The following PPIP5K2 variants were observed in gnomAD, a reference collection of about 807,000 sequenced individuals.
PPIP5K2 encodes the protein inositol hexakisphosphate and diphosphoinositol-pentakisphosphate kinase 2.
In PPIP5K2, 105 loss-of-function variants were observed where a neutral mutation model predicts 154.6. The observed-to-expected ratio is 0.68, with a 90% CI of 0.58 to 0.80. The LOEUF (loss-of-function observed/expected upper bound fraction) is 0.80. Ranked by LOEUF, PPIP5K2 falls within the 30% of genes least tolerant of loss-of-function variation. PPIP5K2 has a pLI of 0.00. For synonymous variants in PPIP5K2, 480 were observed against 490.3 expected, an observed-to-expected ratio of 0.98 and a Z score of 0.28; for missense variants, 992 against 1,504.6, an observed-to-expected ratio of 0.66 and a Z score of 5.64.
chr5:103,211,101 C>A lies in PPIP5K2; in HGVS notation c.*9467C>A, dbSNP rs1367372839. The A allele has an allele frequency of 3.3e-5, 5 of 152,072 alleles. No homozygotes were observed. Among genetic ancestry groups the A allele is most frequent in the Non-Finnish European group, 7.4e-5 (5 of 67,958 alleles). The allele number at this position is 152,072 out of a possible 1,614,324, so 9.4% of individuals were successfully genotyped here. ...TTGTCTGAGTGGTTGTTTAAACTGACATCTGTAAAACTAATCTGTAAAGTG... is the reference window on the plus strand; with the variant it reads ...TTGTCTGAGTGGTTGTTTAAACTGAAATCTGTAAAACTAATCTGTAAAGTG... On this transcript the variant is annotated 3_prime_UTR_variant, in exon 31 of 31. Transcript: ENST00000358359.
intron 2 of PPIP5K2, 37 bp downstream of exon 2, chr5:103,129,740 A>G: frequency 6.4e-7 from 1 of 1,557,118 alleles, no homozygotes; most frequent in Non-Finnish European, 8.6e-7. Flanking sequence ...AGAGAAGACC[A>G]ATACAGTATA....
At chr5:103,138,734 T>C (rs1554205334) in intron 5 of PPIP5K2, among the ~76,000 whole-genome samples, 1 of 152,246 alleles carries the variant, frequency 6.6e-6, no homozygotes, top group Non-Finnish European at 1.5e-5. Flanking sequence ...ATTTTGAAAT[T>C]ACATACAAGT....
At position 103,168,236 on chromosome 5, in the gene PPIP5K2, G is replaced by C. The variant is rs1554218561; in HGVS notation, c.2227G>C (p.Glu743Gln). 3 of 1,610,164 alleles carry C rather than the reference G, an allele frequency of 1.9e-6. No homozygotes were observed. The highest frequency in any genetic ancestry group is 1.1e-5 in the South Asian group (1 of 90,954). Residue 743 changes from glutamate to glutamine, a missense_variant, in exon 19 of 31, where the codon GAA becomes CAA. Glu to Gln is a conservative substitution (Grantham distance 29). Around this residue, in one of 9 missense-constraint regions of PPIP5K2, gnomAD observed 157 missense variants for 281.2 expected, o/e 0.56. Coordinates refer to ENST00000358359, the MANE Select transcript of PPIP5K2 (RefSeq NM_001276277.3). ...CCAGCATAATGGTTCCTTGAAATTA[G>C]AAAACACAATGGAATTATATAGGCT... ...DVQHNGSLKL[E>Q]NTMELYRLSK...
chr5:103,170,663 T>G (rs1797838171), intron 19 of PPIP5K2, among the ~76,000 whole-genome samples: 1 of 151,386 alleles, frequency 6.6e-6, no homozygotes, highest in Non-Finnish European at 1.5e-5. Context: ...TTTGGATTTT[T>G]TTTTTTCAGA....
At chr5:103,140,999 A>G (rs1444854818) in intron 5 of PPIP5K2, among the ~76,000 whole-genome samples, 1 of 152,060 alleles carries the variant, frequency 6.6e-6, no homozygotes, top group Non-Finnish European at 1.5e-5. Context: ...GGAAATGCTA[A>G]AAGGAGTTCA....
intron 30 of PPIP5K2, among the ~76,000 whole-genome samples, chr5:103,195,553 C>A (rs2149824996): frequency 6.6e-6 from 1 of 152,248 alleles, no homozygotes; most frequent in Non-Finnish European, 1.5e-5. Context: ...TTTTTATTAG[C>A]ATTTTTCTAC....
chr5:103,154,985 A>T (rs1554212684), intron 13 of PPIP5K2, 42 bp downstream of exon 13: 1 of 1,175,736 alleles, frequency 8.5e-7, no homozygotes, highest in Non-Finnish European at 1.2e-6. Flanking sequence ...TACTACATAT[A>T]GCTCTTCTTT....
chr5:103,201,609 A>T lies in PPIP5K2; in HGVS notation c.3707A>T (p.Lys1236Ile), dbSNP rs539037879. The change falls in exon 31 of 31, where the codon AAA becomes ATA. Residue 1236 changes from lysine (K) to isoleucine (I), a missense_variant. Around this residue, in one of 9 missense-constraint regions of PPIP5K2, gnomAD observed 131 missense variants for 117.8 expected, o/e 1.11. Transcript: ENST00000358359. Reference sequence around the variant, plus strand: ...AGCAAAACAGAAACGCATGAACACAAAAAAAACACTGGGAAAAAGAAATGA... The same window carrying T: ...AGCAAAACAGAAACGCATGAACACATAAAAAACACTGGGAAAAAGAAATGA... ...ITSKTETHEH[K>I]KNTGKKK 1.2e-6 allele frequency: 2 copies of T among 1,604,698 alleles called. No individual in the cohort carries two copies. Among genetic ancestry groups the T allele is most frequent in the Admixed American group, 1.7e-5 (1 of 58,518 alleles).
chr5:103,186,841 G>A (rs1342676103), intron 27 of PPIP5K2, among the ~76,000 whole-genome samples: 3 of 151,982 alleles, frequency 2.0e-5, no homozygotes, highest in Non-Finnish European at 4.4e-5. Flanking sequence ...TATCATATTG[G>A]CAATATTTTT....
intron 30 of PPIP5K2, among the ~76,000 whole-genome samples, 168 bp downstream of exon 30, chr5:103,195,193 T>C (rs1439579696): frequency 6.6e-6 from 1 of 152,230 alleles, no homozygotes; most frequent in African/African-American, 2.4e-5. Flanking sequence ...TATATATTTG[T>C]TTTTTGTCTG....
chr5:103,149,858 G>A (rs1334182541), intron 8 of PPIP5K2, among the ~76,000 whole-genome samples: 2 of 151,592 alleles, frequency 1.3e-5, no homozygotes, highest in Admixed American at 6.6e-5. Context: ...CACCATGCCC[G>A]GCTAATTTTT....
chr5:103,179,325 G>A (rs553185468), intron 23 of PPIP5K2, among the ~76,000 whole-genome samples: 13 of 151,984 alleles, frequency 8.6e-5, no homozygotes, highest in East Asian at 1.9e-4. Flanking sequence ...TAGTTTGTGC[G>A]TTCTTATTGC....
chr5:103,138,320 A>G lies in PPIP5K2; in HGVS notation c.402-64A>G, dbSNP rs1791929810. On this transcript the variant is annotated intron_variant, in intron 4 of 30. Transcript: ENST00000358359. ...AACAATAATGTCTTTTAAGAAAACTACAATAATATATTCATTGTGAAATGG... is the reference window on the plus strand; with the variant it reads ...AACAATAATGTCTTTTAAGAAAACTGCAATAATATATTCATTGTGAAATGG... 3 of 952,088 alleles carry G rather than the reference A, an allele frequency of 3.2e-6. No homozygotes were observed. In the South Asian group the frequency reaches 5.6e-5, roughly 18 times the overall value. The allele number at this position is 952,088 out of a possible 1,614,324, so 59.0% of individuals were successfully genotyped here. A position where few individuals can be genotyped will look rare whatever the true frequency, so the allele number is the denominator to read the frequency against.
In PPIP5K2 at chr5:103,212,520, C is replaced by T. The variant is rs1803858139; in HGVS notation, c.*10886C>T. 6.6e-6 allele frequency: 1 copy of T among 152,052 alleles called. No individual in the cohort carries two copies. Among genetic ancestry groups the T allele is most frequent in the Non-Finnish European group, 1.5e-5 (1 of 67,968 alleles). 9.4% of individuals were successfully genotyped at this position (152,052 alleles called of 1,614,324 possible). ...TGATGACTTCATAAATGTGCCTGGGCTGGCCTTTAATGGAAGGCTTTAATT... is the reference window on the plus strand; with the variant it reads ...TGATGACTTCATAAATGTGCCTGGGTTGGCCTTTAATGGAAGGCTTTAATT... On this transcript the variant is annotated 3_prime_UTR_variant, in exon 31 of 31. Coordinates refer to ENST00000358359, the MANE Select transcript of PPIP5K2 (RefSeq NM_001276277.3).
intron 5 of PPIP5K2, among the ~76,000 whole-genome samples, chr5:103,139,436 G>C (rs1473763330): frequency 6.6e-6 from 1 of 152,120 alleles, no homozygotes; most frequent in Non-Finnish European, 1.5e-5. Context: ...GAGTCAGCAA[G>C]AGTTTGTAGC....
chr5:103,188,324 G>C (rs1554225800), intron 28 of PPIP5K2, among the ~76,000 whole-genome samples: 1 of 152,016 alleles, frequency 6.6e-6, no homozygotes, highest in African/African-American at 2.4e-5. Flanking sequence ...CTTTTTAACT[G>C]CAAGTAAGTC....
At chr5:103,196,793 G>T (rs1448761078) in intron 30 of PPIP5K2, among the ~76,000 whole-genome samples, 2 of 151,992 alleles carry the variant, frequency 1.3e-5, no homozygotes, top group African/African-American at 4.8e-5. Flanking sequence ...ACTCTACTCA[G>T]TTATGATATA....
At chr5:103,197,569 ATTTTTTTTTTTTT>A (rs782156090) in intron 30 of PPIP5K2, among the ~76,000 whole-genome samples, 2 of 86,974 alleles carry the variant, frequency 2.3e-5, no homozygotes, top group Non-Finnish European at 4.2e-5. Flanking sequence ...TAAAACACAA[ATTTTTTTTTTTTT>A]TTTTTTTTTT....
intron 23 of PPIP5K2, among the ~76,000 whole-genome samples, chr5:103,178,576 T>C (rs1364385176): frequency 6.6e-6 from 1 of 151,580 alleles, no homozygotes; most frequent in Non-Finnish European, 1.5e-5. Context: ...TCATGTTTCA[T>C]GCATTTTCAT....
Sources: allele counts gnomAD v4.1 joint callset (sites outside exome capture counted in the v4.1 genomes callset), GRCh38; gene constraint gnomAD v4.1.1; regional missense constraint gnomAD v4.1.1; transcripts MANE v1.5; gene names NCBI Gene and HGNC (gene_info 2026-07-23, HGNC 2026-07-21).